The following NOL10 variants were observed in gnomAD, a reference collection of about 807,000 sequenced individuals.
The protein encoded by NOL10 is H_NH0074G24.1.
NOL10 carries 58 observed loss-of-function variants against 103.5 expected under a neutral mutation model. The ratio of observed to expected loss-of-function variants is 0.56; its 90% CI spans 0.45 to 0.70. The LOEUF is 0.70. Among genes scored for constraint, NOL10 ranks in the 30% least tolerant of loss-of-function variants. The pLI, the probability that NOL10 is intolerant of heterozygous loss-of-function variation, is 0.00. For missense variants in NOL10, 763 were observed against 807.3 expected, an observed-to-expected ratio of 0.95 and a Z score of 0.67; for synonymous variants, 287 against 282.5, an observed-to-expected ratio of 1.02 and a Z score of -0.16.
In NOL10 at chr2:10,571,127, C is replaced by G. The variant is rs1674154794; in HGVS notation, c.*944G>C. The G allele has an allele frequency of 6.6e-6, 1 of 152,200 alleles. No homozygotes were observed. Among genetic ancestry groups the G allele is most frequent in the African/African-American group, 2.4e-5 (1 of 41,448 alleles). 9.4% of individuals were successfully genotyped at this position (152,200 alleles called of 1,614,324 possible). On this transcript the variant is annotated 3_prime_UTR_variant, in exon 21 of 21. Transcript: ENST00000381685. ...CTGTGTCCCCACACAAATCTCATGT[C>G]AAATTGTAATCTTCGGTGTTGGAGG... is the stretch of plus-strand genomic sequence containing the variant.
chr2:10,619,247 C>A (rs3900609), intron 13 of NOL10, among the ~76,000 whole-genome samples: 1 of 151,794 alleles, frequency 6.6e-6, no homozygotes, highest in African/African-American at 2.4e-5. Flanking sequence ...CGGGCTTAAG[C>A]TATCCTCCTG....
intron 13 of NOL10, among the ~76,000 whole-genome samples, chr2:10,637,973 A>C (rs1678380950): frequency 6.6e-6 from 1 of 152,212 alleles, no homozygotes. Context: ...GGAGTTTCTT[A>C]AGAAAATGTT....
chr2:10,577,609 A>C (rs1674521075), intron 20 of NOL10, 27 bp downstream of exon 20: 11 of 1,524,502 alleles, frequency 7.2e-6, no homozygotes, highest in Non-Finnish European at 9.0e-6. Flanking sequence ...TTTGTGAATT[A>C]AAAAATAACA....
intron 13 of NOL10, among the ~76,000 whole-genome samples, chr2:10,615,790 G>A (rs568473776): frequency 2.6e-5 from 4 of 152,206 alleles, no homozygotes; most frequent in Admixed American, 2.0e-4. Context: ...GCACAGGCCC[G>A]AATAAAGGGG....
At chr2:10,586,854 T>C (rs866672380) in intron 19 of NOL10, among the ~76,000 whole-genome samples, 48 of 151,580 alleles carry the variant, frequency 3.2e-4, no homozygotes, top group African/African-American at 1.1e-3. Flanking sequence ...ACAAAATATG[T>C]GGTAATTGAC....
chr2:10,579,883 A>C (rs1180518919), intron 19 of NOL10, among the ~76,000 whole-genome samples: 1 of 152,246 alleles, frequency 6.6e-6, no homozygotes, highest in African/African-American at 2.4e-5. Flanking sequence ...CTTTGCCAGT[A>C]AATTGTGAGC....
At chr2:10,663,314 C>T (rs1436628048) in intron 8 of NOL10, among the ~76,000 whole-genome samples, 1 of 150,722 alleles carries the variant, frequency 6.6e-6, no homozygotes, top group East Asian at 2.0e-4. Flanking sequence ...TTGCAGTGAG[C>T]CGAGATTATG....
At chr2:10,624,430 AAC>A (rs1354129508) in intron 13 of NOL10, among the ~76,000 whole-genome samples, 6 of 152,016 alleles carry the variant, frequency 3.9e-5, no homozygotes, top group Non-Finnish European at 7.4e-5. Context: ...AAGATATTAA[AAC>A]ACAGTTATCT....
At chr2:10,573,459 T>C (rs1464425393) in intron 20 of NOL10, among the ~76,000 whole-genome samples, 1 of 152,200 alleles carries the variant, frequency 6.6e-6, no homozygotes, top group Non-Finnish European at 1.5e-5. Context: ...CCTAAAGTGC[T>C]GGGATTACAG....
intron 8 of NOL10, among the ~76,000 whole-genome samples, chr2:10,666,453 C>A (rs1309882526): frequency 6.6e-6 from 1 of 152,192 alleles, no homozygotes; most frequent in South Asian, 2.1e-4. Context: ...CTCAGCCTCC[C>A]AAATAGCTGG....
chr2:10,650,446 G>A (rs140464716), intron 12 of NOL10, among the ~76,000 whole-genome samples: 20 of 152,278 alleles, frequency 1.3e-4, no homozygotes, highest in African/African-American at 2.9e-4. Context: ...GATTACAGGC[G>A]TGAGCCACTG....
intron 20 of NOL10, among the ~76,000 whole-genome samples, chr2:10,576,260 C>T (rs189051438): frequency 4.6e-4 from 70 of 152,270 alleles, no homozygotes; most frequent in African/African-American, 1.6e-3. Flanking sequence ...CCCTCATACG[C>T]TGCTTGGTGG....
At chr2:10,628,166 T>C (rs1677603608) in intron 13 of NOL10, among the ~76,000 whole-genome samples, 1 of 152,292 alleles carries the variant, frequency 6.6e-6, no homozygotes, top group Admixed American at 6.5e-5. Context: ...ACTCTTTTCC[T>C]AGATCCTAAA....
At chr2:10,678,024 C>T (rs1681450540) in intron 3 of NOL10, among the ~76,000 whole-genome samples, 1 of 151,628 alleles carries the variant, frequency 6.6e-6, no homozygotes, top group African/African-American at 2.4e-5. Flanking sequence ...ATAGCCAGGA[C>T]CTTTATTCCA....
At chr2:10,653,608 T>C (rs1679631943) in intron 12 of NOL10, among the ~76,000 whole-genome samples, 1 of 152,048 alleles carries the variant, frequency 6.6e-6, no homozygotes, top group Non-Finnish European at 1.5e-5. Flanking sequence ...GCCTCCCACT[T>C]CAGCCTTCCC....
Position 10,670,696 on chromosome 2 carries a change from C to T in NOL10, c.464+858G>A, listed in dbSNP as rs146351488. 5.2e-4 allele frequency among the ~76,000 whole-genome samples: 79 copies of T among 152,260 alleles called. 2 individuals carry two copies. The East Asian group carries it at 0.014, about 26-fold the overall frequency. ...GTTGCAGTGAGCCAAGATCGTACCA[C>T]TGCACTGCAGCCTGGGTGACAGTGT... On this transcript the variant is annotated intron_variant, in intron 6 of 20. Coordinates refer to ENST00000381685, the MANE Select transcript of NOL10 (RefSeq NM_024894.4).
At chr2:10,592,522 G>C (rs952189232) in intron 17 of NOL10, among the ~76,000 whole-genome samples, 28 of 152,220 alleles carry the variant, frequency 1.8e-4, no homozygotes, top group African/African-American at 6.5e-4. Flanking sequence ...AAATTTTGGA[G>C]TTATCTGTAG....
intron 16 of NOL10, among the ~76,000 whole-genome samples, chr2:10,601,995 G>A (rs1319131175): frequency 6.6e-6 from 1 of 152,258 alleles, no homozygotes; most frequent in African/African-American, 2.4e-5. Flanking sequence ...CAGACTGCAA[G>A]GCAGGTGCAG....
intron 13 of NOL10, among the ~76,000 whole-genome samples, chr2:10,638,792 C>CT (rs575658225): frequency 0.033 from 1,754 of 52,854 alleles, 438 homozygotes; most frequent in African/African-American, 0.052. Flanking sequence ...CGTGCCTGGC[C>CT]TTTTTTTTTT....
Sources: gnomAD v4.1 joint callset for allele counts (sites outside exome capture counted in the v4.1 genomes callset) on GRCh38, gnomAD v4.1.1 for gene constraint, MANE v1.5 for transcripts, NCBI Gene and HGNC (gene_info 2026-07-23, HGNC 2026-07-21) for gene names.